Variants in SNRK observed in about 807,000 individuals in gnomAD.
SNRK encodes the protein SNF-related serine/threonine-protein kinase.
A neutral mutation model predicts 48.2 loss-of-function variants in SNRK; 3 were observed. The ratio of observed to expected loss-of-function variants is 0.06; its 90% CI spans 0.03 to 0.16. The LOEUF (loss-of-function observed/expected upper bound fraction) is 0.16, where lower values mean the gene tolerates loss of function less well. Among genes scored for constraint, SNRK ranks in the 10% least tolerant of loss-of-function variants. SNRK has a pLI of 1.00. For missense variants in SNRK, 627 were observed against 976.0 expected, an observed-to-expected ratio of 0.64 and a Z score of 4.76; for synonymous variants, 376 against 366.1, an observed-to-expected ratio of 1.03 and a Z score of -0.31.
intron 5 of SNRK, 27 bp from the exon 6 acceptor site, chr3:43,343,317 C>T (rs748605082): frequency 8.2e-6 from 13 of 1,577,282 alleles, no homozygotes; most frequent in South Asian, 2.4e-5. Flanking sequence ...ATATGGCTGA[C>T]GTTTGCTCTC....
rs527567965 is a variant in SNRK at position 43,288,367 on chromosome 3, C to T, written c.-169+1692C>T. On this transcript the variant is annotated intron_variant, in intron 1 of 6. Transcript: ENST00000296088. Reference sequence around the variant, plus strand: ...TGCAGTAAGATCCATTAGTCTAAAACATGCTAGAACTCAGAAGTTGTACTA... The same window carrying T: ...TGCAGTAAGATCCATTAGTCTAAAATATGCTAGAACTCAGAAGTTGTACTA... 1.2e-4 allele frequency among the ~76,000 whole-genome samples: 19 copies of T among 152,222 alleles called. No individual in the cohort carries two copies. In the East Asian group the frequency reaches 3.7e-3, roughly 29 times the overall value.
At chr3:43,292,491 C>G (rs2090819786) in intron 1 of SNRK, among the ~76,000 whole-genome samples, 1 of 152,206 alleles carries the variant, frequency 6.6e-6, no homozygotes, top group Admixed American at 6.5e-5. Context: ...GGCAAATTTT[C>G]CATTTGTTTT....
chr3:43,350,725 GATA>G lies in SNRK; in HGVS notation c.*2172_*2174del, dbSNP rs2091316625. The G allele has an allele frequency of 6.6e-6, 1 of 152,630 alleles. No individual in the cohort carries two copies. Among genetic ancestry groups the G allele is most frequent in the Admixed American group, 6.5e-5 (1 of 15,282 alleles). The allele number at this position is 152,630 out of a possible 1,614,324, so 9.5% of individuals were successfully genotyped here. On this transcript the variant is annotated 3_prime_UTR_variant, in exon 7 of 7. Transcript: ENST00000296088. ...AGGGAGCGAAAAACCATTACATTAA[GATA>G]ATATTGGACCAAACTACTTACTTGC... is the stretch of plus-strand genomic sequence containing the variant.
intron 4 of SNRK, among the ~76,000 whole-genome samples, chr3:43,339,527 C>T (rs1045425691): frequency 2.6e-5 from 4 of 151,846 alleles, no homozygotes. Context: ...CCTAAAAATA[C>T]ATTACATGGG....
At chr3:43,292,993 A>G (rs909163392) in intron 1 of SNRK, among the ~76,000 whole-genome samples, 1 of 152,208 alleles carries the variant, frequency 6.6e-6, no homozygotes, top group African/African-American at 2.4e-5. Context: ...ATTTGAATGG[A>G]CAGGGACTGT....
Position 43,349,258 on chromosome 3 carries a change from G to A in SNRK, c.*701G>A, listed in dbSNP as rs899676158. 6 of 152,774 alleles carry A rather than the reference G, an allele frequency of 3.9e-5. No homozygotes were observed. In the East Asian group the frequency reaches 9.6e-4, roughly 25 times the overall value. 9.5% of individuals were successfully genotyped at this position (152,774 alleles called of 1,614,324 possible). On this transcript the variant is annotated 3_prime_UTR_variant, in exon 7 of 7. Transcript: ENST00000296088. Reference sequence around the variant, plus strand: ...TTTATAAGGCAGCTTCCCCTGTAGTGATAAATTACAAGCAGACAATCTTAT... The same window carrying A: ...TTTATAAGGCAGCTTCCCCTGTAGTAATAAATTACAAGCAGACAATCTTAT...
At chr3:43,338,183 A>G (rs1379676594) in intron 4 of SNRK, among the ~76,000 whole-genome samples, 2 of 152,248 alleles carry the variant, frequency 1.3e-5, no homozygotes, top group South Asian at 2.1e-4. Context: ...ATATTTACCC[A>G]GATGCTTGAC....
intron 3 of SNRK, among the ~76,000 whole-genome samples, chr3:43,327,055 G>C (rs759442710): frequency 6.6e-6 from 1 of 152,120 alleles, no homozygotes; most frequent in Non-Finnish European, 1.5e-5. Context: ...TGATCTGACA[G>C]TTTTCTACTT....
chr3:43,303,689 C>T lies in SNRK; in HGVS notation c.486C>T (p.Ser162=), dbSNP rs745742111. 6.2e-7 allele frequency: 1 copy of T among 1,614,022 alleles called. No individual in the cohort carries two copies. Among genetic ancestry groups the T allele is most frequent in the East Asian group, 2.2e-5 (1 of 44,872 alleles). ...GLVKLTDFGF[S]NKFQPGKKLT... is the part of the protein sequence containing the mutation. ...TAAAGTTGACAGACTTTGGGTTCAG[C>T]AACAAATTTCAACCAGGGAAGAAGC... Residue 162 remains serine, a synonymous_variant, in exon 3 of 7, where the codon AGC becomes AGT. Coordinates refer to ENST00000296088, the MANE Select transcript of SNRK (RefSeq NM_017719.5). This position sits in a 1 kb window ranked among gnomAD's most constrained non-coding sequence, Gnocchi z 6.2.
intron 3 of SNRK, among the ~76,000 whole-genome samples, chr3:43,325,659 T>G (rs2091091728): frequency 6.6e-6 from 1 of 152,222 alleles, no homozygotes; most frequent in South Asian, 2.1e-4. Flanking sequence ...TTTAAATGTT[T>G]CTTCTTTCTA....
At chr3:43,302,775 A>T (rs1228996804) in intron 2 of SNRK, among the ~76,000 whole-genome samples, 1 of 152,134 alleles carries the variant, frequency 6.6e-6, no homozygotes, top group Non-Finnish European at 1.5e-5. Flanking sequence ...AGACACTAAA[A>T]TTCCTTTTAG....
At chr3:43,334,653 G>C (rs2091172963) in intron 4 of SNRK, among the ~76,000 whole-genome samples, 1 of 151,652 alleles carries the variant, frequency 6.6e-6, no homozygotes, top group South Asian at 2.1e-4. Flanking sequence ...GAGTGCAGTG[G>C]CACAGTCTCG....
In SNRK at chr3:43,303,709, A is replaced by G. The variant is rs2090914518; in HGVS notation, c.506A>G (p.Lys169Arg). The change falls in exon 3 of 7, where the codon AAG becomes AGG. Residue 169 changes from lysine (K) to arginine (R), a missense_variant. Physicochemically the swap from Lys to Arg is conservative, Grantham distance 26. Coordinates refer to ENST00000296088, the MANE Select transcript of SNRK (RefSeq NM_017719.5). This position sits in a 1 kb window ranked among gnomAD's most constrained non-coding sequence, Gnocchi z 6.2. ...FGFSNKFQPG[K>R]KLTTSCGSLA... The stretch of plus-strand genomic sequence containing the variant: ...TTCAGCAACAAATTTCAACCAGGGA[A>G]GAAGCTCACTACAAGCTGTGGATCT... 3 of 1,613,986 alleles carry G rather than the reference A, an allele frequency of 1.9e-6. No individual in the cohort carries two copies. Among genetic ancestry groups the G allele is most frequent in the Non-Finnish European group, 2.5e-6 (3 of 1,180,038 alleles).
chr3:43,300,421 C>T (rs2090890068), intron 2 of SNRK, among the ~76,000 whole-genome samples: 1 of 152,052 alleles, frequency 6.6e-6, no homozygotes, highest in African/African-American at 2.4e-5. Context: ...TCCAGGAACA[C>T]ATCTAAACTA....
rs1026020330 is a variant in SNRK at position 43,348,554 on chromosome 3, C to A, written c.2295C>A (p.Ile765=). The A allele has an allele frequency of 1.3e-6, 2 of 1,532,134 alleles. No homozygotes were observed. The allele number at this position is 1,532,134 out of a possible 1,614,324, so 94.9% of individuals were successfully genotyped here. A position where few individuals can be genotyped will look rare whatever the true frequency, so the allele number is the denominator to read the frequency against. ...GCCCAGCCAGCTGTTGCCATGTCAT[C>A]TGACTGTGGCCCCATCTGGCCGCTA... is the stretch of plus-strand genomic sequence containing the variant. ...ASSPASCCHV[I] The change falls in exon 7 of 7, where the codon ATC becomes ATA. Residue 765 remains isoleucine, a synonymous_variant. Transcript: ENST00000296088.
chr3:43,300,193 G>GA (rs1166281840), intron 2 of SNRK, among the ~76,000 whole-genome samples: 8 of 152,068 alleles, frequency 5.3e-5, no homozygotes, highest in African/African-American at 1.9e-4. Flanking sequence ...ATACCAATTA[G>GA]ATTATTTCTA....
chr3:43,302,306 G>A (rs1221417901), intron 2 of SNRK, among the ~76,000 whole-genome samples: 1 of 152,142 alleles, frequency 6.6e-6, no homozygotes, highest in Non-Finnish European at 1.5e-5. Context: ...TATGTGCCAG[G>A]AGCTTATCCT....
chr3:43,337,490 G>C (rs1024837306), intron 4 of SNRK, among the ~76,000 whole-genome samples: 3 of 151,866 alleles, frequency 2.0e-5, no homozygotes, highest in Non-Finnish European at 4.4e-5. Context: ...GTGCAATCAT[G>C]GCTCACTACA....
At chr3:43,333,911 G>A (rs1412905118) in intron 4 of SNRK, among the ~76,000 whole-genome samples, 1 of 152,086 alleles carries the variant, frequency 6.6e-6, no homozygotes, top group Non-Finnish European at 1.5e-5. Context: ...ACTTAAGGAG[G>A]CCGAGACAGG....
Sources: allele counts gnomAD v4.1 joint callset (sites outside exome capture counted in the v4.1 genomes callset), GRCh38; gene constraint gnomAD v4.1.1; non-coding constraint Gnocchi (gnomAD v3.1); transcripts MANE v1.5; gene names NCBI Gene and HGNC (gene_info 2026-07-23, HGNC 2026-07-21).